ADGRA2: variants seen among roughly 807,000 people sequenced by gnomAD.
The protein encoded by ADGRA2 is G-protein coupled receptor 124.
In ADGRA2, 61 loss-of-function variants were observed where a neutral mutation model predicts 98.7. The observed-to-expected ratio is 0.62, with a 90% CI of 0.50 to 0.76. The LOEUF (loss-of-function observed/expected upper bound fraction) is 0.76, where lower values mean the gene tolerates loss of function less well. Among genes scored for constraint, ADGRA2 ranks in the 30% least tolerant of loss-of-function variants. The probability of loss-of-function intolerance (pLI) is 0.00; values close to 1 mark genes in which losing one functional copy is unlikely to be tolerated. For missense variants in ADGRA2, 1,712 were observed against 1,860.0 expected (o/e 0.92, Z 1.46); for synonymous variants, 858 against 831.5 (o/e 1.03, Z -0.55).
chr8:37,816,098 A>G (rs1428228902), intron 2 of ADGRA2, among the ~76,000 whole-genome samples: 1 of 152,238 alleles, frequency 6.6e-6, no homozygotes, highest in African/African-American at 2.4e-5. Flanking sequence ...ATTGCAGTCC[A>G]GGGGAGACCA....
At chr8:37,801,178 G>T (rs1452721747) in intron 1 of ADGRA2, among the ~76,000 whole-genome samples, 1 of 152,204 alleles carries the variant, frequency 6.6e-6, no homozygotes, top group Non-Finnish European at 1.5e-5. Context: ...TCTGCCTTCT[G>T]TTTTTGCATC....
At chr8:37,837,384 G>A (rs1017572452) in intron 13 of ADGRA2, among the ~76,000 whole-genome samples, 1 of 124,478 alleles carries the variant, frequency 8.0e-6, no homozygotes, top group Non-Finnish European at 1.6e-5. Flanking sequence ...TCCTCCCTTC[G>A]CCTGGCTTCT....
At chr8:37,810,753 C>A (rs182929283) in intron 1 of ADGRA2, among the ~76,000 whole-genome samples, 2 of 152,138 alleles carry the variant, frequency 1.3e-5, no homozygotes, top group African/African-American at 4.8e-5. Flanking sequence ...CCTGACTCAG[C>A]TTTCCAAAGC....
At chr8:37,820,671 T>C (rs1011065307) in intron 2 of ADGRA2, among the ~76,000 whole-genome samples, 11 of 152,404 alleles carry the variant, frequency 7.2e-5, no homozygotes, top group African/African-American at 2.2e-4. Flanking sequence ...GTCTGTTAAC[T>C]GAAACGGAAG....
In ADGRA2 at chr8:37,841,864, G is replaced by T. The variant is rs1010651371; in HGVS notation, c.3526G>T (p.Val1176Leu). The change falls in exon 19 of 19, where the codon GTG (valine) becomes TTG (leucine). Residue 1176 changes from valine (V) to leucine (L), a missense_variant. Transcript: ENST00000412232. The surrounding 1 kb of genome is among the most constrained non-coding windows in gnomAD (Gnocchi z 5.0). ...CCTCGCCCACCGCCACCCCAACAAC[G>T]TGCACCACGGGCGTCGGGCGCACAA... The part of the protein sequence containing the change: ...GNLAHRHPNN[V>L]HHGRRAHKSR... The T allele has an allele frequency of 6.5e-7, 1 of 1,534,680 alleles. No individual in the cohort carries two copies. Among genetic ancestry groups the T allele is most frequent in the African/African-American group, 1.4e-5 (1 of 72,540 alleles).
At chr8:37,839,279 T>TC in intron 15 of ADGRA2, 196 bp downstream of exon 15, 1 of 653,702 alleles carries the variant, frequency 1.5e-6, no homozygotes, top group South Asian at 6.9e-5. Context: ...AGGGGTTTTT[T>TC]CCCCAGGTGG....
In ADGRA2 at chr8:37,830,869, A is replaced by C; in HGVS notation, c.878A>C (p.Gln293Pro). Residue 293 changes from glutamine to proline, a missense_variant, in exon 7 of 19, where the codon CAG becomes CCG. Coordinates refer to ENST00000412232, the MANE Select transcript of ADGRA2 (RefSeq NM_032777.10). This position sits in a 1 kb window ranked among gnomAD's most constrained non-coding sequence, Gnocchi z 4.8. ...CGAGCCCCTGTGGAGGGTGATGAGC[A>C]GGCGGGCATCCTCCTGGCCGAGAGC... ...HNRAPVEGDE[Q>P]AGILLAESLI... The C allele has an allele frequency of 6.3e-7, 1 of 1,593,966 alleles. No homozygotes were observed.
In ADGRA2 at chr8:37,797,660, G is replaced by T. The variant is rs955159090; in HGVS notation, c.266+126G>T. Reference sequence around the variant, plus strand: ...CTTCAGAGATTTCTGGACAGGCCTGGGTTCAGGCCCCCAGAGGGGAAGATT... The same window carrying T: ...CTTCAGAGATTTCTGGACAGGCCTGTGTTCAGGCCCCCAGAGGGGAAGATT... On this transcript the variant is annotated intron_variant, in intron 1 of 18. Coordinates refer to ENST00000412232, the MANE Select transcript of ADGRA2 (RefSeq NM_032777.10). This position sits in a 1 kb window ranked among gnomAD's most constrained non-coding sequence, Gnocchi z 5.3. The T allele has an allele frequency of 3.2e-6, 3 of 947,740 alleles. No individual in the cohort carries two copies. The highest frequency in any genetic ancestry group is 1.7e-5 in the African/African-American group (1 of 58,730). 58.7% of individuals were successfully genotyped at this position (947,740 alleles called of 1,614,324 possible).
At chr8:37,817,669 T>C (rs995594820) in intron 2 of ADGRA2, among the ~76,000 whole-genome samples, 1 of 151,596 alleles carries the variant, frequency 6.6e-6, no homozygotes, top group African/African-American at 2.4e-5. Flanking sequence ...ATTGTGCCAC[T>C]GCACTCCAGC....
At chr8:37,812,455 G>A (rs1241484672) in intron 1 of ADGRA2, among the ~76,000 whole-genome samples, 5 of 151,892 alleles carry the variant, frequency 3.3e-5, no homozygotes, top group African/African-American at 7.3e-5. Context: ...GTGAAACCCC[G>A]TCTCCACTAA....
rs1805908894 is a variant in ADGRA2, at chr8:37,844,399, C to T, written c.*2044C>T. On this transcript the variant is annotated 3_prime_UTR_variant, in exon 19 of 19. Coordinates refer to ENST00000412232, the MANE Select transcript of ADGRA2 (RefSeq NM_032777.10). ...GTTCCTTCAAACAAGAAAAGCAATACCTACGGACTGGTGTACACTTCCATC... is the reference window on the plus strand; with the variant it reads ...GTTCCTTCAAACAAGAAAAGCAATATCTACGGACTGGTGTACACTTCCATC... 6.6e-6 allele frequency: 10 copies of T among 1,514,258 alleles called. No individual in the cohort carries two copies. The highest frequency in any genetic ancestry group is 1.4e-5 in the African/African-American group (1 of 72,366). 93.8% of individuals were successfully genotyped at this position (1,514,258 alleles called of 1,614,324 possible). A position where few individuals can be genotyped will look rare whatever the true frequency, so the allele number is the denominator to read the frequency against.
At chr8:37,798,467 C>G (rs886848532) in intron 1 of ADGRA2, among the ~76,000 whole-genome samples, 26 of 152,336 alleles carry the variant, frequency 1.7e-4, no homozygotes, top group African/African-American at 6.3e-4. Context: ...TCGCAAGTCC[C>G]AGCAGCCGCG....
At position 37,828,821 on chromosome 8, in the gene ADGRA2, C is replaced by A. The variant is rs1399716421; in HGVS notation, c.339-67C>A. The A allele has an allele frequency of 5.4e-6, 7 of 1,297,030 alleles. No homozygotes were observed. The Admixed American group carries it at 1.5e-4, about 28-fold the overall frequency. The allele number at this position is 1,297,030 out of a possible 1,614,324, so 80.3% of individuals were successfully genotyped here. The stretch of plus-strand genomic sequence containing the variant: ...AACAACACCGTGGTGACAGTGAGGA[C>A]CCCTCCCGGGGAGCAGGGCGGCTCC... On this transcript the variant is annotated intron_variant, in intron 2 of 18. Transcript: ENST00000412232.
Position 37,839,056 on chromosome 8 carries a change from C to A in ADGRA2, c.2360C>A (p.Thr787Asn). 6.2e-7 allele frequency: 1 copy of A among 1,609,560 alleles called. No individual in the cohort carries two copies. Among genetic ancestry groups the A allele is most frequent in the Non-Finnish European group, 8.5e-7 (1 of 1,177,714 alleles). The change falls in exon 15 of 19, where the codon ACC (threonine) becomes AAC (asparagine). Residue 787 changes from threonine (T) to asparagine (N), a missense_variant. Transcript: ENST00000412232. ...TALLLLCLFA[T>N]IITYILNHSS... ...TTGCTGCTGCTCTGCCTCTTCGCCA[C>A]CATCATCACCTACATCCTCAACCAC...
At chr8:37,826,821 G>GC (rs1323674197) in intron 2 of ADGRA2, among the ~76,000 whole-genome samples, 1 of 151,968 alleles carries the variant, frequency 6.6e-6, no homozygotes, top group Non-Finnish European at 1.5e-5. Context: ...AGCCTCCTCA[G>GC]CCCCCCACCC....
At chr8:37,829,124 T>C (rs1406996443) in intron 3 of ADGRA2, 137 bp from the exon 4 acceptor site, 2 of 812,576 alleles carry the variant, frequency 2.5e-6, no homozygotes, top group East Asian at 2.6e-5. Flanking sequence ...CCAGTCCAGC[T>C]GCGGCCTGGC....
At chr8:37,799,473 C>T (rs185184263) in intron 1 of ADGRA2, among the ~76,000 whole-genome samples, 6 of 151,874 alleles carry the variant, frequency 4.0e-5, no homozygotes, top group African/African-American at 7.3e-5. Context: ...GTGTTCTCTG[C>T]GTGTCTCTGT....
rs766669888 is a variant in ADGRA2 at position 37,842,283 on chromosome 8, C to G, written c.3945C>G (p.Thr1315=). The change falls in exon 19 of 19, where the codon ACC becomes ACG. Residue 1315 remains threonine (T), a synonymous_variant. Transcript: ENST00000412232. ...APKGGKYDDV[T]LMGAEVASGG... is the part of the protein sequence containing the mutation. ...AGGGGGGCAAGTACGACGACGTCACCCTGATGGGCGCGGAGGTAGCCAGCG... is the reference window on the plus strand; with the variant it reads ...AGGGGGGCAAGTACGACGACGTCACGCTGATGGGCGCGGAGGTAGCCAGCG... 3.8e-6 allele frequency: 6 copies of G among 1,580,416 alleles called. No homozygotes were observed. In the Admixed American group the frequency reaches 9.3e-5, roughly 25 times the overall value.
intron 2 of ADGRA2, among the ~76,000 whole-genome samples, chr8:37,821,734 C>T (rs752066339): frequency 1.3e-5 from 2 of 152,192 alleles, no homozygotes; most frequent in Non-Finnish European, 2.9e-5. Flanking sequence ...AAGGGGAGCC[C>T]GGTCAGCCCC....
Sources: gnomAD v4.1 joint callset for allele counts (sites outside exome capture counted in the v4.1 genomes callset) on GRCh38, gnomAD v4.1.1 for gene constraint, Gnocchi (gnomAD v3.1) non-coding constraint, MANE v1.5 for transcripts, NCBI Gene and HGNC (gene_info 2026-07-23, HGNC 2026-07-21) for gene names.